PKNOX2: variants seen among roughly 807,000 people sequenced by gnomAD.
PKNOX2 encodes the protein homeobox protein PKNOX2.
In PKNOX2, 14 loss-of-function variants were observed where a neutral mutation model predicts 53.1. The ratio of observed to expected loss-of-function variants is 0.26; its 90% CI spans 0.17 to 0.41. PKNOX2 has a LOEUF of 0.41. PKNOX2 is among the 10% of genes least tolerant of loss of function. The pLI is 1.00. For missense variants in PKNOX2, 496 were observed against 602.8 expected, an observed-to-expected ratio of 0.82 and a Z score of 1.85; for synonymous variants, 257 against 242.8, an observed-to-expected ratio of 1.06 and a Z score of -0.54.
chr11:125,315,218 G>A (rs1354874583), intron 2 of PKNOX2, among the ~76,000 whole-genome samples: 2 of 149,206 alleles, frequency 1.3e-5, no homozygotes, highest in African/African-American at 2.5e-5. Flanking sequence ...TGGAGGCAGT[G>A]TGGAGAAATC....
rs183668773 is a variant in PKNOX2, at chr11:125,272,525, G to A, written c.-130+37410G>A. On this transcript the variant is annotated intron_variant, in intron 2 of 12. Coordinates refer to ENST00000298282, the MANE Select transcript of PKNOX2 (RefSeq NM_001382323.2). ...AGCTCAGATCTTGATTTTGTATCCCGTGTTCCTTTGACTTTCCATTTCCTT... is the reference window on the plus strand; with the variant it reads ...AGCTCAGATCTTGATTTTGTATCCCATGTTCCTTTGACTTTCCATTTCCTT... 1.2e-4 allele frequency among the ~76,000 whole-genome samples: 18 copies of A among 152,280 alleles called. No homozygotes were observed. In the South Asian group the frequency reaches 1.5e-3, roughly 12 times the overall value.
intron 1 of PKNOX2, among the ~76,000 whole-genome samples, chr11:125,208,115 T>C (rs10790728): frequency 0.21 from 31,295 of 152,010 alleles, 4,068 homozygotes; most frequent in East Asian, 0.33. Flanking sequence ...GACCAGGGGA[T>C]GATTCATGGA....
chr11:125,362,158 G>A (rs528246914), intron 4 of PKNOX2, among the ~76,000 whole-genome samples: 1 of 152,114 alleles, frequency 6.6e-6, no homozygotes, highest in African/African-American at 2.4e-5. Flanking sequence ...TCTAATTGGA[G>A]CCCCCCTACA....
chr11:125,385,300 A>G (rs1403046557), intron 5 of PKNOX2, among the ~76,000 whole-genome samples: 1 of 152,196 alleles, frequency 6.6e-6, no homozygotes, highest in Non-Finnish European at 1.5e-5. Context: ...ATCTGACCAA[A>G]GAGAAAAGGT....
At chr11:125,403,295 G>A (rs930169518) in intron 7 of PKNOX2, among the ~76,000 whole-genome samples, 7 of 152,158 alleles carry the variant, frequency 4.6e-5, no homozygotes, top group Admixed American at 2.0e-4. Flanking sequence ...AATAGTGGTG[G>A]CCGACTGCTA....
chr11:125,191,096 G>A (rs1244154099), intron 1 of PKNOX2: 2 of 152,090 alleles, frequency 1.3e-5, no homozygotes, highest in African/African-American at 2.4e-5. Context: ...ATTCTTAAGA[G>A]GTGTTCATTT....
chr11:125,431,521 T>A lies in PKNOX2; in HGVS notation c.*129T>A. On this transcript the variant is annotated 3_prime_UTR_variant, in exon 13 of 13. Coordinates refer to ENST00000298282, the MANE Select transcript of PKNOX2 (RefSeq NM_001382323.2). ...TTGGGCCCTAGCTTCCCCAAATCAGTAGCTTGAAGAAAGGCAAAGGAGACA... is the reference window on the plus strand; with the variant it reads ...TTGGGCCCTAGCTTCCCCAAATCAGAAGCTTGAAGAAAGGCAAAGGAGACA... 9.5e-7 allele frequency: 1 copy of A among 1,047,740 alleles called. No individual in the cohort carries two copies. Among genetic ancestry groups the A allele is most frequent in the Non-Finnish European group, 1.3e-6 (1 of 743,100 alleles). The allele number at this position is 1,047,740 out of a possible 1,614,324, so 64.9% of individuals were successfully genotyped here. A position where few individuals can be genotyped will look rare whatever the true frequency, so the allele number is the denominator to read the frequency against.
intron 5 of PKNOX2, among the ~76,000 whole-genome samples, chr11:125,376,540 G>A (rs903529739): frequency 2.0e-5 from 3 of 152,158 alleles, no homozygotes; most frequent in Admixed American, 6.5e-5. Context: ...AGGTCCTTTC[G>A]TAGCAACTGT....
chr11:125,355,765 G>A (rs1195363530), intron 4 of PKNOX2, among the ~76,000 whole-genome samples: 1 of 152,026 alleles, frequency 6.6e-6, no homozygotes, highest in Non-Finnish European at 1.5e-5. Flanking sequence ...CCCAGCAAGT[G>A]TCACTCCAGC....
At chr11:125,244,388 G>C (rs1292240369) in intron 2 of PKNOX2, among the ~76,000 whole-genome samples, 1 of 152,182 alleles carries the variant, frequency 6.6e-6, no homozygotes, top group African/African-American at 2.4e-5. Flanking sequence ...ACCTGGGGAT[G>C]CAGACGCTGC....
At chr11:125,186,010 C>T (rs190971180) in intron 1 of PKNOX2, among the ~76,000 whole-genome samples, 131 of 151,848 alleles carry the variant, frequency 8.6e-4, no homozygotes, top group Middle Eastern at 6.8e-3. Context: ...ACAAGAATCT[C>T]AATTTTTTTC....
At chr11:125,331,737 CA>C (rs1950154272) in intron 2 of PKNOX2, 81 bp from the exon 3 acceptor site, 1 of 152,536 alleles carries the variant, frequency 6.6e-6, no homozygotes, top group Non-Finnish European at 1.5e-5. Flanking sequence ...GAGGGGAGAA[CA>C]CAGCCCGGAA....
intron 4 of PKNOX2, among the ~76,000 whole-genome samples, chr11:125,360,077 C>A (rs1951839568): frequency 6.7e-6 from 1 of 149,568 alleles, no homozygotes; most frequent in Non-Finnish European, 1.5e-5. Context: ...ATCCAGGAGG[C>A]AGAGGTTGCG....
intron 2 of PKNOX2, among the ~76,000 whole-genome samples, chr11:125,259,520 C>A (rs1013538061): frequency 3.3e-5 from 5 of 152,124 alleles, no homozygotes; most frequent in Admixed American, 6.5e-5. Context: ...GTACCCTGGC[C>A]CCCCTGCATA....
chr11:125,290,808 C>G (rs939880959), intron 2 of PKNOX2, among the ~76,000 whole-genome samples: 1 of 152,122 alleles, frequency 6.6e-6, no homozygotes, highest in Non-Finnish European at 1.5e-5. Context: ...TGGTAACAGC[C>G]TTGAGAGTGG....
At chr11:125,179,625 G>T (rs1047675570) in intron 1 of PKNOX2, among the ~76,000 whole-genome samples, 1 of 152,106 alleles carries the variant, frequency 6.6e-6, no homozygotes, top group African/African-American at 2.4e-5. Flanking sequence ...AGAGGAGCTT[G>T]CGAGAGAACC....
At chr11:125,168,573 G>C (rs1452246823) in intron 1 of PKNOX2, among the ~76,000 whole-genome samples, 2 of 152,214 alleles carry the variant, frequency 1.3e-5, no homozygotes, top group Non-Finnish European at 2.9e-5. Context: ...GTTTATGGGT[G>C]CACCAGAGTG....
intron 1 of PKNOX2, among the ~76,000 whole-genome samples, chr11:125,192,822 CG>C (rs1453687830): frequency 2.0e-5 from 3 of 151,986 alleles, no homozygotes; most frequent in African/African-American, 7.3e-5. Flanking sequence ...CCAGCCAGGT[CG>C]AGGGGGCTTG....
At chr11:125,310,207 T>A (rs1339218979) in intron 2 of PKNOX2, among the ~76,000 whole-genome samples, 2 of 151,994 alleles carry the variant, frequency 1.3e-5, no homozygotes, top group Non-Finnish European at 2.9e-5. Flanking sequence ...TCATAAATAA[T>A]ACTATTAGGC....
Sources: gnomAD v4.1 joint callset for allele counts (sites outside exome capture counted in the v4.1 genomes callset) on GRCh38, gnomAD v4.1.1 for gene constraint, MANE v1.5 for transcripts, NCBI Gene and HGNC (gene_info 2026-07-23, HGNC 2026-07-21) for gene names.